TRPM8: variants seen among roughly 807,000 people sequenced by gnomAD.
TRPM8 encodes the protein TRPM8 cationic channel.
TRPM8 carries 110 observed loss-of-function variants against 133.7 expected under a neutral mutation model. The observed-to-expected ratio is 0.82, with a 90% CI of 0.70 to 0.96. The LOEUF is 0.96. Among genes scored for constraint, TRPM8 ranks in the 40% least tolerant of loss-of-function variants. The pLI is 0.00. For synonymous variants in TRPM8, 535 were observed against 532.3 expected (o/e 1.01, Z -0.07); for missense variants, 1,291 against 1,379.5 (o/e 0.94, Z 1.02).
At chr2:233,921,677 C>CTTTTTTTTTTTTTTTTT (rs11373529) in intron 1 of TRPM8, among the ~76,000 whole-genome samples, 35 of 106,654 alleles carry the variant, frequency 3.3e-4, no homozygotes, top group Admixed American at 6.5e-4. Flanking sequence ...CTTTTCTTTT[C>CTTTTTTTTTTTTTTTTT]TTTTTTTTTT....
At position 233,972,829 on chromosome 2, in the gene TRPM8, C is replaced by G. The variant is rs1024584394; in HGVS notation, c.2355+2403C>G. 6.6e-5 allele frequency among the ~76,000 whole-genome samples: 10 copies of G among 152,294 alleles called. No individual in the cohort carries two copies. In the South Asian group the frequency reaches 8.3e-4, roughly 13 times the overall value. ...GGCCCGCAAGCTCCACACGCAGCCC[C>G]GGTTCCCGCTCACGCCACTCCTTCC... On this transcript the variant is annotated intron_variant, in intron 17 of 25. Coordinates refer to ENST00000324695, the MANE Select transcript of TRPM8 (RefSeq NM_024080.5).
At chr2:233,976,691 T>A (rs1039109040) in intron 17 of TRPM8, among the ~76,000 whole-genome samples, 3 of 152,272 alleles carry the variant, frequency 2.0e-5, no homozygotes, top group African/African-American at 7.2e-5. Context: ...TCAGCAATCC[T>A]GGGTATGAAA....
intron 9 of TRPM8, among the ~76,000 whole-genome samples, chr2:233,950,354 A>T (rs994872651): frequency 3.3e-5 from 5 of 152,086 alleles, no homozygotes; most frequent in African/African-American, 1.2e-4. Context: ...GAGATATTGC[A>T]TTTTTCAGAG....
At chr2:233,925,158 C>T (rs577845769) in intron 1 of TRPM8, among the ~76,000 whole-genome samples, 3 of 152,062 alleles carry the variant, frequency 2.0e-5, no homozygotes, top group South Asian at 4.2e-4. Context: ...TAACAGGTGA[C>T]GTGGAAATAG....
chr2:233,987,126 T>A (rs1692165728), intron 21 of TRPM8, among the ~76,000 whole-genome samples: 1 of 152,236 alleles, frequency 6.6e-6, no homozygotes. Flanking sequence ...TGTACAAAGA[T>A]GTTTATTAGA....
chr2:233,983,164 C>T lies in TRPM8; in HGVS notation c.2701C>T (p.Arg901Cys), dbSNP rs201721376. ...QNEQRWRWIF[R>C]SVIYEPYLAM... ...TGAGCAGCGCTGGAGGTGGATATTC[C>T]GTTCGGTCATCTACGAGCCCTACCT... The change falls in exon 20 of 26, where the codon CGT (arginine) becomes TGT (cysteine). Residue 901 changes from arginine to cysteine, a missense_variant. Around this residue, in one of 2 missense-constraint regions of TRPM8, gnomAD observed 328 missense variants for 410.6 expected, o/e 0.80. Coordinates refer to ENST00000324695, the MANE Select transcript of TRPM8 (RefSeq NM_024080.5). 3.7e-5 allele frequency: 60 copies of T among 1,614,010 alleles called. No homozygotes were observed. The highest frequency in any genetic ancestry group is 4.8e-5 in the Non-Finnish European group (57 of 1,180,028).
In TRPM8 at chr2:233,926,547, C is replaced by A; in HGVS notation, c.10C>A (p.Arg4=). Residue 4 remains arginine (R), a synonymous_variant, in exon 2 of 26, where the codon CGG becomes AGG. Transcript: ENST00000324695. ...CATCGTCACAGAAAAGATGTCCTTT[C>A]GGGCAGCCAGGCTCAGCATGAGGAA... is the stretch of plus-strand genomic sequence containing the variant. MSF[R]AARLSMRNRR... 6.2e-7 allele frequency: 1 copy of A among 1,613,920 alleles called. No homozygotes were observed. Among genetic ancestry groups the A allele is most frequent in the African/African-American group, 1.3e-5 (1 of 75,012 alleles).
intron 21 of TRPM8, among the ~76,000 whole-genome samples, chr2:233,994,989 C>G (rs1692368046): frequency 6.6e-6 from 1 of 152,160 alleles, no homozygotes; most frequent in Non-Finnish European, 1.5e-5. Context: ...CCAGTAAAAT[C>G]CTTTTGAAAT....
At chr2:234,009,223 G>T (rs1198730216) in intron 24 of TRPM8, among the ~76,000 whole-genome samples, 1 of 152,230 alleles carries the variant, frequency 6.6e-6, no homozygotes. Context: ...CCAGCAATCT[G>T]GTTGGGGAGT....
At chr2:233,997,090 C>T (rs1375947181) in intron 22 of TRPM8, among the ~76,000 whole-genome samples, 1 of 152,066 alleles carries the variant, frequency 6.6e-6, no homozygotes, top group Non-Finnish European at 1.5e-5. Context: ...CACGGTGAAA[C>T]CCCATCTCTA....
At chr2:233,963,540 T>A (rs1301510376) in intron 13 of TRPM8, among the ~76,000 whole-genome samples, 163 bp downstream of exon 13, 1 of 152,170 alleles carries the variant, frequency 6.6e-6, no homozygotes, top group Non-Finnish European at 1.5e-5. Context: ...GAAGGAGTGC[T>A]TGGGAGGGAC....
chr2:233,980,843 G>A (rs572573796), intron 18 of TRPM8, among the ~76,000 whole-genome samples: 1 of 152,228 alleles, frequency 6.6e-6, no homozygotes, highest in Non-Finnish European at 1.5e-5. Flanking sequence ...AGAGATTAGG[G>A]TATGCCCCAA....
At chr2:234,015,890 A>T (rs956958663) in intron 25 of TRPM8, among the ~76,000 whole-genome samples, 2 of 152,244 alleles carry the variant, frequency 1.3e-5, no homozygotes, top group Non-Finnish European at 1.5e-5. Flanking sequence ...TGTTTAGTTT[A>T]TCTGCTGAAA....
At chr2:233,963,235 G>T (rs769403112) in intron 12 of TRPM8, 47 bp from the exon 13 acceptor site, 6 of 1,374,916 alleles carry the variant, frequency 4.4e-6, no homozygotes, top group Non-Finnish European at 6.2e-6. Flanking sequence ...CCTGATCCCA[G>T]AACAGTTTCC....
At chr2:234,007,259 C>T (rs1015601838) in intron 23 of TRPM8, among the ~76,000 whole-genome samples, 4 of 152,168 alleles carry the variant, frequency 2.6e-5, no homozygotes, top group Admixed American at 1.3e-4. Flanking sequence ...TCCCCTGCTG[C>T]GGCCGCAGAG....
At chr2:233,993,057 A>G (rs11563209) in intron 21 of TRPM8, among the ~76,000 whole-genome samples, 5,341 of 152,306 alleles carry the variant, frequency 0.035, 175 homozygotes, top group East Asian at 0.19. Flanking sequence ...ACATTTTGGA[A>G]GCTGCTGCCA....
At chr2:233,963,470 C>T (rs1691489957) in intron 13 of TRPM8, 93 bp downstream of exon 13, 1 of 701,582 alleles carries the variant, frequency 1.4e-6, no homozygotes, top group African/African-American at 1.8e-5. Context: ...TAATATAAAA[C>T]ATCATCAGTG....
intron 3 of TRPM8, among the ~76,000 whole-genome samples, chr2:233,934,198 G>A (rs17863843): frequency 1.3e-5 from 2 of 152,172 alleles, no homozygotes; most frequent in Non-Finnish European, 2.9e-5. Flanking sequence ...GGTTAGAAAC[G>A]GTGACTGATG....
rs79760483 is a variant in TRPM8, at chr2:233,990,183, C to T, written c.2939+4318C>T. 4.5e-4 allele frequency among the ~76,000 whole-genome samples: 69 copies of T among 152,326 alleles called. No homozygotes were observed. The East Asian group carries it at 9.6e-3, about 21-fold the overall frequency. On this transcript the variant is annotated intron_variant, in intron 21 of 25. Coordinates refer to ENST00000324695, the MANE Select transcript of TRPM8 (RefSeq NM_024080.5). ...TTTATTGAAGCTTTCCCATGCTGGGCACAGGTTCAAGTGCTTTACAGGGGT... is the reference window on the plus strand; with the variant it reads ...TTTATTGAAGCTTTCCCATGCTGGGTACAGGTTCAAGTGCTTTACAGGGGT...
Sources: gnomAD v4.1 joint callset for allele counts (sites outside exome capture counted in the v4.1 genomes callset) on GRCh38, gnomAD v4.1.1 for gene constraint, gnomAD v4.1.1 regional missense constraint, MANE v1.5 for transcripts, NCBI Gene and HGNC (gene_info 2026-07-23, HGNC 2026-07-21) for gene names.